The following PRKAR2B variants were observed in gnomAD, a reference collection of about 807,000 sequenced individuals.
PRKAR2B encodes protein kinase cAMP-dependent type II regulatory subunit beta, also known as cAMP-dependent protein kinase type II-beta regulatory subunit.
A neutral mutation model predicts 49.9 loss-of-function variants in PRKAR2B; 14 were observed. The ratio of observed to expected loss-of-function variants is 0.28; its 90% CI spans 0.19 to 0.44. The LOEUF is 0.44. Among genes scored for constraint, PRKAR2B ranks in the 20% least tolerant of loss-of-function variants. PRKAR2B has a pLI of 1.00. For missense variants in PRKAR2B, 393 were observed against 537.9 expected, an observed-to-expected ratio of 0.73 and a Z score of 2.67; for synonymous variants, 196 against 197.7, an observed-to-expected ratio of 0.99 and a Z score of 0.07.
intron 2 of PRKAR2B, among the ~76,000 whole-genome samples, chr7:107,071,335 C>T (rs1351758182): frequency 6.6e-6 from 1 of 152,138 alleles, no homozygotes; most frequent in Non-Finnish European, 1.5e-5. Flanking sequence ...TCAGCAGTTA[C>T]TGGTATAATT....
chr7:107,046,045 G>A (rs1793686731), intron 1 of PRKAR2B, among the ~76,000 whole-genome samples: 1 of 152,210 alleles, frequency 6.6e-6, no homozygotes, highest in African/African-American at 2.4e-5. Context: ...GTGCCAGACA[G>A]TAGAGCTAGA....
At chr7:107,066,664 G>T (rs1441744607) in intron 1 of PRKAR2B, 3 of 152,094 alleles carry the variant, frequency 2.0e-5, no homozygotes, top group Non-Finnish European at 4.4e-5. Flanking sequence ...TGACTTCTGG[G>T]TTCAAGCAAT....
At position 107,102,843 on chromosome 7, in the gene PRKAR2B, G is replaced by T. The variant is rs539358043; in HGVS notation, c.344-19109G>T. Among the ~76,000 whole-genome samples the T allele has an allele frequency of 2.4e-3, 368 of 152,060 alleles. 1 individual carries two copies. Among genetic ancestry groups the T allele is most frequent in the Non-Finnish European group, 3.9e-3 (265 of 67,954 alleles). On this transcript the variant is annotated intron_variant, in intron 2 of 10. Coordinates refer to ENST00000265717, the MANE Select transcript of PRKAR2B (RefSeq NM_002736.3). ...CCGCCACCATGCCTAGCTAATTTTT[G>T]TATTTTTAGTGGAGATGGGGTTTCA...
At chr7:107,157,447 A>G in intron 10 of PRKAR2B, 123 bp downstream of exon 10, 1 of 1,239,428 alleles carries the variant, frequency 8.1e-7, no homozygotes, top group Non-Finnish European at 1.1e-6. Context: ...AAAGGTAACA[A>G]GATTAGGACT....
intron 5 of PRKAR2B, among the ~76,000 whole-genome samples, chr7:107,146,044 G>GT (rs1487490058): frequency 3.9e-5 from 6 of 152,002 alleles, no homozygotes; most frequent in Non-Finnish European, 8.8e-5. Flanking sequence ...TCTCCAGATG[G>GT]TTTTTTATGC....
intron 2 of PRKAR2B, among the ~76,000 whole-genome samples, chr7:107,093,409 C>T (rs763401205): frequency 2.6e-5 from 4 of 152,098 alleles, no homozygotes; most frequent in Non-Finnish European, 5.9e-5. Context: ...AATAGCCAAC[C>T]TAATGGGTAT....
intron 1 of PRKAR2B, among the ~76,000 whole-genome samples, chr7:107,064,797 A>G (rs1446191689): frequency 6.6e-6 from 1 of 152,196 alleles, no homozygotes; most frequent in Non-Finnish European, 1.5e-5. Flanking sequence ...AAGGTTCAGT[A>G]CCTTTTAACA....
At chr7:107,059,749 G>A (rs1484921715) in intron 1 of PRKAR2B, among the ~76,000 whole-genome samples, 2 of 151,484 alleles carry the variant, frequency 1.3e-5, no homozygotes, top group East Asian at 3.9e-4. Context: ...AGTTTTTAAA[G>A]ATAGTTTTCA....
intron 4 of PRKAR2B, among the ~76,000 whole-genome samples, chr7:107,138,747 G>A (rs558443545): frequency 2.7e-5 from 4 of 150,792 alleles, no homozygotes; most frequent in Admixed American, 6.6e-5. Context: ...GCAGTGGTGC[G>A]ATCATGGCTC....
chr7:107,097,626 A>G (rs1794869934), intron 2 of PRKAR2B, among the ~76,000 whole-genome samples: 1 of 152,126 alleles, frequency 6.6e-6, no homozygotes, highest in African/African-American at 2.4e-5. Flanking sequence ...ACAATTTGGC[A>G]TGTTTTTGCA....
chr7:107,134,998 A>G (rs1795669737), intron 4 of PRKAR2B, among the ~76,000 whole-genome samples: 1 of 152,176 alleles, frequency 6.6e-6, no homozygotes, highest in Non-Finnish European at 1.5e-5. Context: ...CAGATGTAAC[A>G]TTTTTGTACA....
At chr7:107,110,975 C>A (rs1337174578) in intron 2 of PRKAR2B, among the ~76,000 whole-genome samples, 2 of 151,822 alleles carry the variant, frequency 1.3e-5, no homozygotes, top group African/African-American at 4.8e-5. Flanking sequence ...TTTTGGGGTC[C>A]CCAATTCTAG....
intron 8 of PRKAR2B, among the ~76,000 whole-genome samples, chr7:107,153,747 C>T (rs1796029811): frequency 6.6e-6 from 1 of 152,114 alleles, no homozygotes; most frequent in Non-Finnish European, 1.5e-5. Context: ...CAGCTGGAAC[C>T]AATAATATTA....
chr7:107,139,125 G>C (rs563420791), intron 4 of PRKAR2B, among the ~76,000 whole-genome samples: 1 of 151,794 alleles, frequency 6.6e-6, no homozygotes, highest in Non-Finnish European at 1.5e-5. Flanking sequence ...CTCTGCAAAA[G>C]CTCTCTACAG....
At chr7:107,076,557 G>A (rs892301439) in intron 2 of PRKAR2B, among the ~76,000 whole-genome samples, 12 of 151,988 alleles carry the variant, frequency 7.9e-5, no homozygotes, top group African/African-American at 2.2e-4. Flanking sequence ...ATGCCCCACC[G>A]ACGTCCATGA....
chr7:107,063,106 C>T (rs1012005501), intron 1 of PRKAR2B, among the ~76,000 whole-genome samples: 3 of 152,038 alleles, frequency 2.0e-5, no homozygotes, highest in Admixed American at 6.6e-5. Flanking sequence ...CAGGTTTGAG[C>T]GATTCTCATG....
chr7:107,094,893 G>C (rs1794806007), intron 2 of PRKAR2B, among the ~76,000 whole-genome samples: 1 of 152,192 alleles, frequency 6.6e-6, no homozygotes, highest in Admixed American at 6.5e-5. Context: ...GTACCATGCT[G>C]TTTTGGTTAC....
chr7:107,084,557 A>G (rs1373836540), intron 2 of PRKAR2B, among the ~76,000 whole-genome samples: 1 of 151,868 alleles, frequency 6.6e-6, no homozygotes, highest in Non-Finnish European at 1.5e-5. Flanking sequence ...TCCCTGGATC[A>G]GGGAGAAAAC....
rs1020688063 is a variant in PRKAR2B at position 107,092,649 on chromosome 7, C to T, written c.343+22333C>T. Among the ~76,000 whole-genome samples the T allele has an allele frequency of 1.1e-4, 17 of 152,060 alleles. 1 individual carries two copies. The highest frequency in any genetic ancestry group is 6.6e-5 in the Admixed American group (1 of 15,266). On this transcript the variant is annotated intron_variant, in intron 2 of 10. Coordinates refer to ENST00000265717, the MANE Select transcript of PRKAR2B (RefSeq NM_002736.3). The stretch of plus-strand genomic sequence containing the variant: ...AGAGAAGAGCAAAAATTTATGTTTA[C>T]TCTTTTCTGTTTACTCACATACTTA...
Sources: allele counts gnomAD v4.1 joint callset (sites outside exome capture counted in the v4.1 genomes callset), GRCh38; gene constraint gnomAD v4.1.1; transcripts MANE v1.5; gene names NCBI Gene and HGNC (gene_info 2026-07-23, HGNC 2026-07-21).